DAPK2: variants seen among roughly 807,000 people sequenced by gnomAD.
The protein encoded by DAPK2 is death-associated protein kinase 2.
DAPK2 carries 35 observed loss-of-function variants against 44.1 expected under a neutral mutation model. That is an observed-to-expected ratio of 0.79 (90% CI 0.61 to 1.05). The LOEUF is 1.05. Ranked by LOEUF, DAPK2 falls within the 50% of genes least tolerant of loss-of-function variation. The probability of loss-of-function intolerance (pLI) is 0.00; values close to 1 mark genes in which losing one functional copy is unlikely to be tolerated. For synonymous variants in DAPK2, 174 were observed against 182.6 expected, an observed-to-expected ratio of 0.95 and a Z score of 0.38; for missense variants, 453 against 483.2, an observed-to-expected ratio of 0.94 and a Z score of 0.59.
At chr15:63,951,965 C>T (rs539783420) in intron 3 of DAPK2, among the ~76,000 whole-genome samples, 120 of 152,310 alleles carry the variant, frequency 7.9e-4, no homozygotes, top group African/African-American at 2.2e-3. Flanking sequence ...CAGGGCCAGG[C>T]GTGCTGGCTC....
chr15:64,021,432 G>C (rs1320182710), intron 1 of DAPK2, among the ~76,000 whole-genome samples: 1 of 152,150 alleles, frequency 6.6e-6, no homozygotes, highest in African/African-American at 2.4e-5. Context: ...TGTTGCTGCT[G>C]AATTTCTACC....
chr15:64,001,540 C>T (rs893442226), intron 1 of DAPK2, among the ~76,000 whole-genome samples: 5 of 152,136 alleles, frequency 3.3e-5, no homozygotes. Flanking sequence ...ATCAGAGCTC[C>T]CAAGAAGACC....
At chr15:63,948,270 C>CAAAAAAAAAAAAAAAAAA (rs3056984) in intron 3 of DAPK2, among the ~76,000 whole-genome samples, 1 of 51,920 alleles carries the variant, frequency 1.9e-5, no homozygotes, top group Non-Finnish European at 3.1e-5. Flanking sequence ...GACTCCATCT[C>CAAAAAAAAAAAAAAAAAA]AAAAAAAAAA....
rs924210133 is a variant in DAPK2 at position 63,908,383 on chromosome 15, T to C, written c.*137A>G. 6.5e-6 allele frequency: 3 copies of C among 462,464 alleles called. No individual in the cohort carries two copies. Among genetic ancestry groups the C allele is most frequent in the East Asian group, 7.0e-5 (2 of 28,406 alleles). 28.6% of individuals were successfully genotyped at this position (462,464 alleles called of 1,614,324 possible). On this transcript the variant is annotated 3_prime_UTR_variant, in exon 11 of 11. Transcript: ENST00000261891. This position sits in a 1 kb window ranked among gnomAD's most constrained non-coding sequence, Gnocchi z 5.7. The stretch of plus-strand genomic sequence containing the variant: ...CTCCTGGCTTGCCTGCAAGCTCTTC[T>C]GAATTCCTTGGGCCCATCTCTCTTG...
At chr15:63,994,339 C>A (rs966361358) in intron 1 of DAPK2, among the ~76,000 whole-genome samples, 2 of 151,956 alleles carry the variant, frequency 1.3e-5, no homozygotes, top group African/African-American at 4.8e-5. Context: ...AGGAACCCTT[C>A]ATTGGCAGAC....
At chr15:63,976,454 C>G (rs1296664991) in intron 2 of DAPK2, among the ~76,000 whole-genome samples, 1 of 152,102 alleles carries the variant, frequency 6.6e-6, no homozygotes, top group Non-Finnish European at 1.5e-5. Context: ...CACAGTGGCT[C>G]ACACCTGTAA....
At chr15:63,992,632 A>G (rs950932841) in intron 1 of DAPK2, among the ~76,000 whole-genome samples, 1 of 152,146 alleles carries the variant, frequency 6.6e-6, no homozygotes, top group Non-Finnish European at 1.5e-5. Flanking sequence ...ATAACCTCTC[A>G]CCTTCACTCC....
intron 8 of DAPK2, among the ~76,000 whole-genome samples, chr15:63,915,887 GA>G (rs1418913442): frequency 6.6e-6 from 1 of 152,194 alleles, no homozygotes; most frequent in Non-Finnish European, 1.5e-5. Context: ...CAGCAGAGGT[GA>G]AAATTCTGCA....
chr15:63,988,507 CT>C (rs758617949), intron 1 of DAPK2, among the ~76,000 whole-genome samples: 6,760 of 141,776 alleles, frequency 0.048, 255 homozygotes, highest in African/African-American at 0.13. Flanking sequence ...CCAGCTTTTC[CT>C]TTTTTTTTTT....
Position 63,939,501 on chromosome 15 carries a change from A to T in DAPK2, c.454-140T>A. On this transcript the variant is annotated intron_variant, in intron 3 of 10. Transcript: ENST00000261891. The surrounding 1 kb of genome is among the most constrained non-coding windows in gnomAD (Gnocchi z 4.3). ...GTTCTTTTTAGGAGACTGAAACAGC[A>T]TAAACTCTTCCTTGTTTTTGGTCCT... The T allele has an allele frequency of 1.3e-6, 1 of 755,630 alleles. No individual in the cohort carries two copies. The highest frequency in any genetic ancestry group is 2.1e-6 in the Non-Finnish European group (1 of 480,968). The allele number at this position is 755,630 out of a possible 1,614,324, so 46.8% of individuals were successfully genotyped here.
chr15:63,981,485 A>G (rs2140840865), intron 2 of DAPK2, among the ~76,000 whole-genome samples: 1 of 152,328 alleles, frequency 6.6e-6, no homozygotes, highest in South Asian at 2.1e-4. Flanking sequence ...TAAAAGAGAA[A>G]AGCCAATTTT....
intron 3 of DAPK2, among the ~76,000 whole-genome samples, chr15:63,962,663 G>A (rs1476874751): frequency 1.3e-5 from 2 of 152,226 alleles, no homozygotes; most frequent in African/African-American, 4.8e-5. Context: ...CTGCAGAACA[G>A]CAAATATTGC....
At chr15:64,040,702 G>A (rs2080330067), upstream of DAPK2, among the ~76,000 whole-genome samples, 1 of 152,036 alleles carries the variant, frequency 6.6e-6, no homozygotes, top group Non-Finnish European at 1.5e-5. Context: ...CTTGAGGTCA[G>A]CAGTTCGAGA....
At chr15:64,019,452 C>T (rs1002603921) in intron 1 of DAPK2, among the ~76,000 whole-genome samples, 24 of 152,228 alleles carry the variant, frequency 1.6e-4, no homozygotes, top group African/African-American at 5.3e-4. Flanking sequence ...AGGCAAAACA[C>T]AAAGGTCTAA....
intron 1 of DAPK2, among the ~76,000 whole-genome samples, chr15:64,008,969 C>A (rs1279788807): frequency 1.3e-5 from 2 of 152,078 alleles, no homozygotes; most frequent in Non-Finnish European, 2.9e-5. Flanking sequence ...AAACATAAGA[C>A]CTCTTTGTTT....
intron 1 of DAPK2, among the ~76,000 whole-genome samples, chr15:63,987,926 G>A (rs1023604319): frequency 3.3e-5 from 5 of 151,706 alleles, no homozygotes; most frequent in African/African-American, 1.2e-4. Context: ...GGTTGTTTGG[G>A]AAATCATGAG....
intron 8 of DAPK2, among the ~76,000 whole-genome samples, chr15:63,915,128 C>T (rs781300626): frequency 2.0e-5 from 3 of 152,300 alleles, no homozygotes; most frequent in Non-Finnish European, 2.9e-5. Flanking sequence ...GATATAAATG[C>T]TATGTAAATA....
chr15:63,922,480 G>A, intron 8 of DAPK2: 1 of 1,258,834 alleles, frequency 7.9e-7, no homozygotes. Context: ...GACCCTGAGG[G>A]GTACTCACTC....
intron 1 of DAPK2, among the ~76,000 whole-genome samples, chr15:64,030,923 C>T (rs332237): frequency 0.82 from 124,658 of 151,298 alleles, 51,665 homozygotes; most frequent in East Asian, 0.92. Flanking sequence ...GCTGTGGTTG[C>T]GCCATTGCAT....
Sources: gnomAD v4.1 joint callset for allele counts (sites outside exome capture counted in the v4.1 genomes callset) on GRCh38, gnomAD v4.1.1 for gene constraint, Gnocchi (gnomAD v3.1) non-coding constraint, MANE v1.5 for transcripts, NCBI Gene and HGNC (gene_info 2026-07-23, HGNC 2026-07-21) for gene names.